RAB11FIP4: variants seen among roughly 807,000 people sequenced by gnomAD.
The protein encoded by RAB11FIP4 is rab11 family-interacting protein 4.
In RAB11FIP4, 23 loss-of-function variants were observed where a neutral mutation model predicts 74.3. That is an observed-to-expected ratio of 0.31 (90% CI 0.22 to 0.44). RAB11FIP4 has a LOEUF of 0.44. RAB11FIP4 is among the 20% of genes least tolerant of loss of function. The pLI is 1.00. For synonymous variants in RAB11FIP4, 360 were observed against 359.9 expected (o/e 1.00, Z 0.00); for missense variants, 630 against 863.9 (o/e 0.73, Z 3.39).
intron 3 of RAB11FIP4, among the ~76,000 whole-genome samples, chr17:31,508,846 C>T (rs1319147733): frequency 2.6e-5 from 4 of 152,168 alleles, no homozygotes; most frequent in African/African-American, 7.2e-5. Context: ...GCTCCTCTGA[C>T]GCTGCCTTAT....
chr17:31,407,787 G>T (rs2071056564), intron 1 of RAB11FIP4, among the ~76,000 whole-genome samples: 1 of 152,128 alleles, frequency 6.6e-6, no homozygotes, highest in South Asian at 2.1e-4. Context: ...CTTGATTAAG[G>T]TGGTGTCTAC....
chr17:31,489,980 T>C (rs2071977026), intron 3 of RAB11FIP4, among the ~76,000 whole-genome samples: 1 of 152,054 alleles, frequency 6.6e-6, no homozygotes, highest in Admixed American at 6.5e-5. Flanking sequence ...GGGAGGTCTG[T>C]AGGAGAGACT....
At chr17:31,451,616 A>C (rs2071528522) in intron 3 of RAB11FIP4, among the ~76,000 whole-genome samples, 1 of 151,846 alleles carries the variant, frequency 6.6e-6, no homozygotes, top group Non-Finnish European at 1.5e-5. Context: ...ATTCCCGGTG[A>C]CTCTCACTGT....
At chr17:31,524,567 C>T (rs1247975771) in intron 9 of RAB11FIP4, 2 of 177,488 alleles carry the variant, frequency 1.1e-5, no homozygotes, top group Non-Finnish European at 2.4e-5. Context: ...AGAAGGTCAG[C>T]CTGGTGGAGG....
chr17:31,431,989 C>T (rs879250761), intron 2 of RAB11FIP4, 89 bp downstream of exon 2: 2 of 1,014,068 alleles, frequency 2.0e-6, no homozygotes, highest in Non-Finnish European at 3.0e-6. Flanking sequence ...GCCTGGATTC[C>T]TCCCCACAGG....
At position 31,419,696 on chromosome 17, in the gene RAB11FIP4, G is replaced by A. The variant is rs984422452; in HGVS notation, c.160-12117G>A. Among the ~76,000 whole-genome samples the A allele has an allele frequency of 1.3e-4, 20 of 151,650 alleles. No individual in the cohort carries two copies. In the South Asian group the frequency reaches 2.3e-3, roughly 17 times the overall value. The stretch of plus-strand genomic sequence containing the variant: ...CTCCCGAGTAGCTGGGACTACAGGC[G>A]CCCACCACCATGCCCGGCTAATTTT... On this transcript the variant is annotated intron_variant, in intron 1 of 14. Transcript: ENST00000621161.
At chr17:31,489,563 G>GTT (rs1448018675) in intron 3 of RAB11FIP4, among the ~76,000 whole-genome samples, 6 of 152,206 alleles carry the variant, frequency 3.9e-5, no homozygotes, top group Non-Finnish European at 8.8e-5. Flanking sequence ...TTCGGGGACT[G>GTT]TTGATTATGT....
intron 4 of RAB11FIP4, among the ~76,000 whole-genome samples, chr17:31,520,486 C>T (rs944462153): frequency 2.6e-5 from 4 of 152,010 alleles, no homozygotes; most frequent in Non-Finnish European, 4.4e-5. Context: ...GCAGCTACTC[C>T]GAATGTTTTT....
At chr17:31,516,571 G>A (rs1409616901) in intron 3 of RAB11FIP4, among the ~76,000 whole-genome samples, 2 of 152,218 alleles carry the variant, frequency 1.3e-5, no homozygotes, top group Non-Finnish European at 1.5e-5. Context: ...CTAGGTTCAC[G>A]CCATTCTCCT....
At chr17:31,521,133 C>T (rs746034262) in intron 4 of RAB11FIP4, 33 bp from the exon 5 acceptor site, 1 of 1,487,738 alleles carries the variant, frequency 6.7e-7, no homozygotes, top group Non-Finnish European at 9.0e-7. Context: ...ACCCATGAGT[C>T]CTCCTCTGAC....
chr17:31,528,913 C>T (rs2072820009), intron 13 of RAB11FIP4, 135 bp downstream of exon 13: 16 of 988,720 alleles, frequency 1.6e-5, no homozygotes, highest in East Asian at 2.6e-5. Flanking sequence ...AACCTGTTTG[C>T]CAGGGCTGAC....
chr17:31,437,702 G>A (rs569381926), intron 3 of RAB11FIP4, among the ~76,000 whole-genome samples: 20 of 152,146 alleles, frequency 1.3e-4, no homozygotes, highest in African/African-American at 4.6e-4. Context: ...GATGTGGCTC[G>A]TAATTAAAGC....
chr17:31,514,186 A>T (rs769886687), intron 3 of RAB11FIP4, among the ~76,000 whole-genome samples: 27 of 152,224 alleles, frequency 1.8e-4, no homozygotes, highest in Non-Finnish European at 2.2e-4. Context: ...CCACCCGGTC[A>T]GGGGCTTGGG....
intron 4 of RAB11FIP4, among the ~76,000 whole-genome samples, chr17:31,520,129 A>C (rs548826993): frequency 6.6e-6 from 1 of 152,110 alleles, no homozygotes; most frequent in African/African-American, 2.4e-5. Context: ...AACTTAAAAA[A>C]TAACACAGTA....
At position 31,530,544 on chromosome 17, in the gene RAB11FIP4, A is replaced by G. The variant is rs564946444; in HGVS notation, c.1797+75A>G. On this transcript the variant is annotated intron_variant, in intron 14 of 14. Coordinates refer to ENST00000621161, the MANE Select transcript of RAB11FIP4 (RefSeq NM_032932.6). ...TCCTTCTCCCGGCCCCCACCTGCCCAGAGTGAGAAAACCAGACCAGGGCCT... is the reference window on the plus strand; with the variant it reads ...TCCTTCTCCCGGCCCCCACCTGCCCGGAGTGAGAAAACCAGACCAGGGCCT... The G allele has an allele frequency of 2.0e-4, 319 of 1,565,568 alleles. 1 individual carries two copies. The African/African-American group carries it at 2.5e-3, about 12-fold the overall frequency.
chr17:31,417,963 T>C (rs769489498), intron 1 of RAB11FIP4, among the ~76,000 whole-genome samples: 58 of 152,142 alleles, frequency 3.8e-4, no homozygotes, highest in Non-Finnish European at 6.5e-4. Flanking sequence ...TAGTGGTGTA[T>C]GCCTGTACTC....
chr17:31,504,550 G>A (rs1024347193), intron 3 of RAB11FIP4, among the ~76,000 whole-genome samples: 4 of 152,178 alleles, frequency 2.6e-5, no homozygotes, highest in African/African-American at 9.7e-5. Context: ...TTACAGGCGT[G>A]AGCCACCGTG....
chr17:31,451,650 G>A (rs894191843), intron 3 of RAB11FIP4, among the ~76,000 whole-genome samples: 1 of 151,970 alleles, frequency 6.6e-6, no homozygotes, highest in Non-Finnish European at 1.5e-5. Flanking sequence ...CCTGTTTTCT[G>A]TTCCTCAAAC....
chr17:31,450,304 A>AC (rs903241322), intron 3 of RAB11FIP4, among the ~76,000 whole-genome samples: 27 of 143,416 alleles, frequency 1.9e-4, no homozygotes, highest in African/African-American at 6.3e-4. Flanking sequence ...CCCGCACACC[A>AC]CCCCCCCGCC....
Sources: gnomAD v4.1 joint callset for allele counts (sites outside exome capture counted in the v4.1 genomes callset) on GRCh38, gnomAD v4.1.1 for gene constraint, MANE v1.5 for transcripts, NCBI Gene and HGNC (gene_info 2026-07-23, HGNC 2026-07-21) for gene names.